Variants in CRISPLD1 observed in about 807,000 individuals in gnomAD.
CRISPLD1 encodes cysteine-rich secretory protein LCCL domain-containing 1.
In CRISPLD1, 60 loss-of-function variants were observed where a neutral mutation model predicts 77.5. The observed-to-expected ratio is 0.77, with a 90% CI of 0.63 to 0.96. CRISPLD1 has a LOEUF of 0.96. Ranked by LOEUF, CRISPLD1 falls within the 40% of genes least tolerant of loss-of-function variation. CRISPLD1 has a pLI of 0.00. For synonymous variants in CRISPLD1, 195 were observed against 200.1 expected, an observed-to-expected ratio of 0.97 and a Z score of 0.22; for missense variants, 623 against 615.8, an observed-to-expected ratio of 1.01 and a Z score of -0.12.
rs1325262651 is a variant in CRISPLD1 at position 75,021,500 on chromosome 8, T to C, written c.1244+1421T>C. 3.3e-5 allele frequency among the ~76,000 whole-genome samples: 5 copies of C among 152,334 alleles called. No homozygotes were observed. The East Asian group carries it at 9.7e-4, about 29-fold the overall frequency. On this transcript the variant is annotated intron_variant, in intron 12 of 14. Coordinates refer to ENST00000262207, the MANE Select transcript of CRISPLD1 (RefSeq NM_031461.6). ...GCTGAAATCAGCAGATTACCAAGTA[T>C]GTAGGATAATTTGAGGACCTCTTAC...
Position 75,017,114 on chromosome 8 carries a change from G to A in CRISPLD1, c.996+1G>A. On this transcript the variant is annotated splice_donor_variant, in intron 9 of 14. Transcript: ENST00000262207. LOFTEE classifies it high-confidence loss of function. ...TATTGGCAGTGTACATTATGAAATG[G>A]TAAGTGTTATAAATGTAATTATTTG... 2 of 1,607,736 alleles carry A rather than the reference G, an allele frequency of 1.2e-6. No homozygotes were observed. The highest frequency in any genetic ancestry group is 1.7e-6 in the Non-Finnish European group (2 of 1,175,006).
At chr8:75,001,385 T>A (rs532644649) in intron 2 of CRISPLD1, among the ~76,000 whole-genome samples, 2 of 152,276 alleles carry the variant, frequency 1.3e-5, no homozygotes, top group Admixed American at 6.5e-5. Flanking sequence ...CCAGAACCCC[T>A]CTGAAGTTCA....
At position 75,014,743 on chromosome 8, in the gene CRISPLD1, G is replaced by C. The variant is rs555555617; in HGVS notation, c.627-69G>C. 16 of 950,016 alleles carry C rather than the reference G, an allele frequency of 1.7e-5. No homozygotes were observed. In the South Asian group the frequency reaches 2.3e-4, roughly 14 times the overall value. 58.8% of individuals were successfully genotyped at this position (950,016 alleles called of 1,614,324 possible). A position where few individuals can be genotyped will look rare whatever the true frequency, so the allele number is the denominator to read the frequency against. ...ATTACTTAGAATGTTCATATATAGT[G>C]ATGTTTCACAATGTTTTATAAATTA... On this transcript the variant is annotated intron_variant, in intron 5 of 14. Transcript: ENST00000262207.
intron 2 of CRISPLD1, among the ~76,000 whole-genome samples, chr8:74,989,024 A>C (rs1225056373): frequency 6.6e-6 from 1 of 152,194 alleles, no homozygotes; most frequent in Non-Finnish European, 1.5e-5. Flanking sequence ...TTGAGAGCTA[A>C]TCAGTGGGTG....
rs183728737 is a variant in CRISPLD1, at chr8:75,019,822, C to A, written c.1128-48C>A. 2,767 of 1,436,874 alleles carry A rather than the reference C, an allele frequency of 1.9e-3. 5 individuals carry two copies. The highest frequency in any genetic ancestry group is 2.1e-3 in the Non-Finnish European group (2,095 of 1,021,668). 89.0% of individuals were successfully genotyped at this position (1,436,874 alleles called of 1,614,324 possible). A position where few individuals can be genotyped will look rare whatever the true frequency, so the allele number is the denominator to read the frequency against. On this transcript the variant is annotated intron_variant, in intron 10 of 14. Coordinates refer to ENST00000262207, the MANE Select transcript of CRISPLD1 (RefSeq NM_031461.6). Reference sequence around the variant, plus strand: ...AAAGATACCAGAAATGATGCTGCTGCTGATGCCTATATGAAAATAATTAAC... The same window carrying A: ...AAAGATACCAGAAATGATGCTGCTGATGATGCCTATATGAAAATAATTAAC...
At position 75,017,125 on chromosome 8, in the gene CRISPLD1, A is replaced by G. The variant is rs1211884283; in HGVS notation, c.996+12A>G. 1 of 1,600,190 alleles carries G rather than the reference A, an allele frequency of 6.2e-7. No homozygotes were observed. Among genetic ancestry groups the G allele is most frequent in the Non-Finnish European group, 8.6e-7 (1 of 1,168,402 alleles). ...TACATTATGAAATGGTAAGTGTTAT[A>G]AATGTAATTATTTGAGGATAGAGTC... On this transcript the variant is annotated intron_variant, in intron 9 of 14. Coordinates refer to ENST00000262207, the MANE Select transcript of CRISPLD1 (RefSeq NM_031461.6).
chr8:75,027,440 C>T (rs1006533768), intron 13 of CRISPLD1, among the ~76,000 whole-genome samples: 3 of 152,146 alleles, frequency 2.0e-5, no homozygotes, highest in Non-Finnish European at 2.9e-5. Flanking sequence ...ATTTTAGTCA[C>T]GTCTAGTGAA....
At chr8:75,015,904 T>G (rs1033251881) in intron 6 of CRISPLD1, among the ~76,000 whole-genome samples, 9 of 152,176 alleles carry the variant, frequency 5.9e-5, no homozygotes, top group Admixed American at 3.3e-4. Context: ...CTTCATACTT[T>G]TTTTTTAGGT....
intron 9 of CRISPLD1, 89 bp downstream of exon 9, chr8:75,017,202 A>T: frequency 6.6e-7 from 1 of 1,507,404 alleles, no homozygotes; most frequent in Middle Eastern, 2.0e-4. Context: ...TTACATAAGT[A>T]TAGATATTTT....
chr8:75,005,661 A>G (rs1812816238), intron 2 of CRISPLD1, among the ~76,000 whole-genome samples: 1 of 152,116 alleles, frequency 6.6e-6, no homozygotes. Context: ...AGGATTAGAG[A>G]TATTGGAGTG....
chr8:75,018,424 T>C (rs1384245029), intron 10 of CRISPLD1, among the ~76,000 whole-genome samples: 1 of 152,062 alleles, frequency 6.6e-6, no homozygotes, highest in South Asian at 2.1e-4. Context: ...CCCAAGTAGC[T>C]GGAATACAGG....
intron 2 of CRISPLD1, among the ~76,000 whole-genome samples, chr8:74,998,665 G>A (rs1812683028): frequency 8.4e-6 from 1 of 119,512 alleles, no homozygotes; most frequent in African/African-American, 3.6e-5. Context: ...TCCTGCCTGG[G>A]CAACAGAGAG....
chr8:75,000,679 A>G (rs547043635), intron 2 of CRISPLD1, among the ~76,000 whole-genome samples: 19 of 152,178 alleles, frequency 1.2e-4, no homozygotes, highest in African/African-American at 4.1e-4. Context: ...TCTGACTTCC[A>G]TAGCCTCATT....
intron 2 of CRISPLD1, among the ~76,000 whole-genome samples, chr8:74,995,953 T>C (rs1812640126): frequency 1.3e-5 from 2 of 151,680 alleles, no homozygotes; most frequent in Non-Finnish European, 2.9e-5. Context: ...GCACATGCTT[T>C]AAAACTTAAA....
At chr8:74,997,146 C>T (rs1477462370) in intron 2 of CRISPLD1, among the ~76,000 whole-genome samples, 1 of 152,114 alleles carries the variant, frequency 6.6e-6, no homozygotes, top group Non-Finnish European at 1.5e-5. Context: ...TTACTGTCTA[C>T]CTTATAGGGA....
Position 75,033,931 on chromosome 8 carries a change from G to C in CRISPLD1, c.*1689G>C, listed in dbSNP as rs964859391. The stretch of plus-strand genomic sequence containing the variant: ...TTCTTAAATAGTATGACTTTACATA[G>C]ACTCTTTTTCTGGTCCTTACTGCTC... On this transcript the variant is annotated 3_prime_UTR_variant, in exon 15 of 15. Transcript: ENST00000262207. 6.6e-6 allele frequency: 1 copy of C among 151,912 alleles called. No homozygotes were observed. 9.4% of individuals were successfully genotyped at this position (151,912 alleles called of 1,614,324 possible). A position where few individuals can be genotyped will look rare whatever the true frequency, so the allele number is the denominator to read the frequency against.
chr8:75,008,626 C>T (rs548594339), intron 2 of CRISPLD1, among the ~76,000 whole-genome samples: 4 of 152,126 alleles, frequency 2.6e-5, no homozygotes, highest in Admixed American at 6.5e-5. Flanking sequence ...TGATAAAGAA[C>T]TAAATTTTAG....
intron 14 of CRISPLD1, 34 bp downstream of exon 14, chr8:75,029,551 A>T: frequency 6.3e-7 from 1 of 1,590,396 alleles, no homozygotes; most frequent in Middle Eastern, 1.7e-4. Flanking sequence ...ATACTTTTAA[A>T]TACCATCTAT....
chr8:75,028,029 G>A (rs968544196), intron 13 of CRISPLD1, among the ~76,000 whole-genome samples: 3 of 152,138 alleles, frequency 2.0e-5, no homozygotes, highest in African/African-American at 7.2e-5. Context: ...CTTAGTAAAT[G>A]TTATATCTAA....
Sources: gnomAD v4.1 joint callset for allele counts (sites outside exome capture counted in the v4.1 genomes callset) on GRCh38, gnomAD v4.1.1 for gene constraint, MANE v1.5 for transcripts, NCBI Gene and HGNC (gene_info 2026-07-23, HGNC 2026-07-21) for gene names.